PDE1C: variants seen among roughly 807,000 people sequenced by gnomAD.
PDE1C encodes the protein phosphodiesterase 1C.
PDE1C carries 62 observed loss-of-function variants against 93.1 expected under a neutral mutation model. The ratio of observed to expected loss-of-function variants is 0.67; its 90% CI spans 0.54 to 0.82. The LOEUF is 0.82. PDE1C is among the 40% of genes least tolerant of loss of function. The pLI, the probability that PDE1C is intolerant of heterozygous loss-of-function variation, is 0.00. For synonymous variants in PDE1C, 325 were observed against 310.1 expected (o/e 1.05, Z -0.50); for missense variants, 742 against 884.6 (o/e 0.84, Z 2.04).
At chr7:31,835,146 G>C (rs1399630236) in intron 11 of PDE1C, among the ~76,000 whole-genome samples, 3 of 152,124 alleles carry the variant, frequency 2.0e-5, no homozygotes, top group Non-Finnish European at 4.4e-5. Context: ...GCTATGTGGA[G>C]CTGTGAGTCA....
At chr7:32,308,876 G>A (rs1813092231) in intron 1 of PDE1C, among the ~76,000 whole-genome samples, 1 of 151,696 alleles carries the variant, frequency 6.6e-6, no homozygotes. Flanking sequence ...TTCCTCACCA[G>A]CAACTGAACA....
intron 2 of PDE1C, among the ~76,000 whole-genome samples, chr7:31,965,741 C>T (rs1046679605): frequency 1.1e-4 from 17 of 152,232 alleles, no homozygotes; most frequent in Admixed American, 4.6e-4. Flanking sequence ...GGAAGCCCAT[C>T]AGACTAACAG....
rs372761892 is a variant in PDE1C at position 32,398,302 on chromosome 7, C to CAAA, written c.310+29517_310+29519dup. Among the ~76,000 whole-genome samples, 101 of 137,382 alleles carry CAAA rather than the reference C, an allele frequency of 7.4e-4. 1 individual carries two copies. The highest frequency in any genetic ancestry group is 1.5e-3 in the Admixed American group (21 of 13,676). The allele number at this position is 137,382 out of a possible 152,430, so 90.1% of individuals were successfully genotyped here. On this transcript the variant is annotated intron_variant, in intron 1 of 1. Coordinates refer to the PDE1C transcript ENST00000672256. ...TGGGTGACAGGGCGAGACTCCGTCTCAAAAAAAAAAAAAAGAAAAAGAAAA... is the reference window on the plus strand; with the variant it reads ...TGGGTGACAGGGCGAGACTCCGTCTCAAAAAAAAAAAAAAAAAGAAAAAGAAAA...
chr7:31,956,356 T>C (rs1280349052), intron 2 of PDE1C, among the ~76,000 whole-genome samples: 1 of 152,090 alleles, frequency 6.6e-6, no homozygotes, highest in Non-Finnish European at 1.5e-5. Flanking sequence ...CCTCCCAAAG[T>C]GCTGGGATTA....
At chr7:31,918,534 A>T (rs577567378) in intron 2 of PDE1C, among the ~76,000 whole-genome samples, 2 of 152,244 alleles carry the variant, frequency 1.3e-5, no homozygotes, top group Admixed American at 1.3e-4. Context: ...ACTATGAACC[A>T]TTCGTTCAGA....
chr7:31,683,286 A>G, the PDE1C span, among the ~76,000 whole-genome samples: 1 of 152,240 alleles, frequency 6.6e-6, no homozygotes, highest in Admixed American at 6.5e-5. Flanking sequence ...TCTTACAACT[A>G]CATGTGAACT....
chr7:31,692,486 C>T, the PDE1C span: 3 of 1,611,840 alleles, frequency 1.9e-6, no homozygotes, highest in Non-Finnish European at 1.7e-6. Context: ...TCTCAGAAGA[C>T]AGACTGGACA....
At chr7:32,250,715 C>T (rs1243789223) in intron 1 of PDE1C, among the ~76,000 whole-genome samples, 1 of 152,216 alleles carries the variant, frequency 6.6e-6, no homozygotes, top group Admixed American at 6.5e-5. Flanking sequence ...CACCCAGTGA[C>T]CTTGGGTTCA....
intron 1 of PDE1C, among the ~76,000 whole-genome samples, chr7:32,337,540 A>G (rs951115458): frequency 1.3e-5 from 2 of 152,196 alleles, no homozygotes; most frequent in African/African-American, 4.8e-5. Flanking sequence ...GCAGATTTTG[A>G]TGGGGTAATC....
At chr7:32,121,350 A>G (rs149664885) in intron 3 of PDE1C, among the ~76,000 whole-genome samples, 23 of 152,212 alleles carry the variant, frequency 1.5e-4, no homozygotes, top group Admixed American at 1.3e-3. Context: ...AGCAAAACAG[A>G]CCAACATGCA....
chr7:32,238,727 C>A (rs1808325242), intron 1 of PDE1C, among the ~76,000 whole-genome samples: 1 of 152,112 alleles, frequency 6.6e-6, no homozygotes. Flanking sequence ...AAATAGAGTT[C>A]TAAAATGTTT....
chr7:32,079,710 G>C (rs1424067527), intron 3 of PDE1C, among the ~76,000 whole-genome samples: 1 of 152,248 alleles, frequency 6.6e-6, no homozygotes, highest in South Asian at 2.1e-4. Context: ...TTAGGCTCCT[G>C]TACATGGCAG....
chr7:32,427,508 G>A (rs984548782), intron 1 of PDE1C, among the ~76,000 whole-genome samples: 2 of 152,188 alleles, frequency 1.3e-5, no homozygotes, highest in Non-Finnish European at 2.9e-5. Flanking sequence ...TGGGAAAGGT[G>A]CTTCTTTTAT....
intron 1 of PDE1C, among the ~76,000 whole-genome samples, chr7:32,250,885 C>A (rs189700739): frequency 6.6e-6 from 1 of 152,326 alleles, no homozygotes; most frequent in East Asian, 1.9e-4. Flanking sequence ...GCAAAGGCAT[C>A]CTGTCATGGG....
At chr7:31,882,949 A>T (rs957202282) in intron 2 of PDE1C, among the ~76,000 whole-genome samples, 1 of 152,220 alleles carries the variant, frequency 6.6e-6, no homozygotes, top group Non-Finnish European at 1.5e-5. Context: ...ACAATTTTTT[A>T]AAAGTAAATG....
chr7:32,033,820 T>C (rs1790655023), intron 2 of PDE1C, among the ~76,000 whole-genome samples: 1 of 152,172 alleles, frequency 6.6e-6, no homozygotes, highest in South Asian at 2.1e-4. Context: ...TTAACGTACT[T>C]ATATGCATTA....
chr7:32,029,459 A>G (rs1309109054), intron 2 of PDE1C, among the ~76,000 whole-genome samples: 1 of 152,148 alleles, frequency 6.6e-6, no homozygotes, highest in African/African-American at 2.4e-5. Flanking sequence ...CACTGTTTGG[A>G]AAAACAAAGA....
the PDE1C span, among the ~76,000 whole-genome samples, chr7:31,727,089 T>C: frequency 1.3e-5 from 2 of 152,112 alleles, no homozygotes; most frequent in African/African-American, 4.8e-5. Flanking sequence ...AGAATTCCCC[T>C]TATTTTCTGG....
intron 16 of PDE1C, among the ~76,000 whole-genome samples, chr7:31,790,858 T>C (rs1425822211): frequency 2.0e-5 from 3 of 152,126 alleles, no homozygotes; most frequent in East Asian, 3.9e-4. Context: ...GACAATATTG[T>C]ATTTCTTTTC....
Sources: allele counts gnomAD v4.1 joint callset (sites outside exome capture counted in the v4.1 genomes callset), GRCh38; gene constraint gnomAD v4.1.1; transcripts MANE v1.5; gene names NCBI Gene and HGNC (gene_info 2026-07-23, HGNC 2026-07-21).